PTPRO: variants seen among roughly 807,000 people sequenced by gnomAD.
PTPRO encodes protein tyrosine phosphatase receptor type O, also known as receptor-type tyrosine-protein phosphatase O.
In PTPRO, 62 loss-of-function variants were observed where a neutral mutation model predicts 145.2. The ratio of observed to expected loss-of-function variants is 0.43; its 90% CI spans 0.35 to 0.53. The LOEUF (loss-of-function observed/expected upper bound fraction) is 0.53, where lower values mean the gene tolerates loss of function less well. PTPRO is among the 20% of genes least tolerant of loss of function. PTPRO has a pLI of 0.01. For missense variants in PTPRO, 1,345 were observed against 1,482.7 expected, an observed-to-expected ratio of 0.91 and a Z score of 1.53; for synonymous variants, 565 against 514.7, an observed-to-expected ratio of 1.10 and a Z score of -1.32.
intron 1 of PTPRO, among the ~76,000 whole-genome samples, chr12:15,454,271 A>G (rs1354467434): frequency 6.6e-6 from 1 of 152,174 alleles, no homozygotes; most frequent in South Asian, 2.1e-4. Flanking sequence ...TTGTGCAATG[A>G]TAAGTCACTG....
intron 20 of PTPRO, 72 bp downstream of exon 20, chr12:15,579,015 T>C: frequency 7.4e-7 from 1 of 1,356,942 alleles, no homozygotes. Context: ...GATTAATCAA[T>C]TTCACCAATC....
At chr12:15,361,626 T>G (rs1938214131) in intron 1 of PTPRO, among the ~76,000 whole-genome samples, 1 of 152,118 alleles carries the variant, frequency 6.6e-6, no homozygotes, top group African/African-American at 2.4e-5. Flanking sequence ...TGTTACCAAG[T>G]GCTTACTACA....
At chr12:15,487,366 C>T (rs1325646206) in intron 2 of PTPRO, among the ~76,000 whole-genome samples, 1 of 152,148 alleles carries the variant, frequency 6.6e-6, no homozygotes, top group Non-Finnish European at 1.5e-5. Context: ...AAAAGAGTTT[C>T]TGCTCCTCTC....
At chr12:15,590,932 A>G (rs896569217) in intron 25 of PTPRO, among the ~76,000 whole-genome samples, 4 of 152,214 alleles carry the variant, frequency 2.6e-5, no homozygotes, top group African/African-American at 9.6e-5. Flanking sequence ...TTTTACTTCC[A>G]TAAATTTGCA....
chr12:15,368,738 C>A (rs1938439060), intron 1 of PTPRO, among the ~76,000 whole-genome samples: 1 of 152,164 alleles, frequency 6.6e-6, no homozygotes, highest in Non-Finnish European at 1.5e-5. Context: ...TAAAATATAT[C>A]TCCTTAATTG....
At chr12:15,532,929 C>T (rs1475775336) in intron 12 of PTPRO, among the ~76,000 whole-genome samples, 1 of 152,144 alleles carries the variant, frequency 6.6e-6, no homozygotes. Flanking sequence ...TTCTCCAACT[C>T]ATTTGGTTTT....
Position 15,515,517 on chromosome 12 carries a change from T to C in PTPRO, c.1484T>C (p.Ile495Thr), listed in dbSNP as rs764673571. Reference protein sequence around the residue: ...YCTQVNSSKPIIENLVPGAQY... With the variant: ...YCTQVNSSKPTIENLVPGAQY... ...TTAAAGGTGAACTCAAGCAAACCTA[T>C]TATTGAAAATCTGGTTCCTGGTGCC... is the stretch of plus-strand genomic sequence containing the variant. The change falls in exon 8 of 27, where the codon ATT becomes ACT. Residue 495 changes from isoleucine (I) to threonine (T), a missense_variant. Physicochemically the swap from Ile to Thr is moderately conservative, Grantham distance 89. Around this residue, in one of 3 missense-constraint regions of PTPRO, gnomAD observed 1,130 missense variants for 1,214.7 expected, o/e 0.93. Transcript: ENST00000281171. 1.9e-6 allele frequency: 3 copies of C among 1,614,008 alleles called. No homozygotes were observed. Among genetic ancestry groups the C allele is most frequent in the Non-Finnish European group, 2.5e-6 (3 of 1,179,912 alleles).
rs75002423 is a variant in PTPRO at position 15,502,979 on chromosome 12, C to T, written c.1105+916C>T. Among the ~76,000 whole-genome samples the T allele has an allele frequency of 1.6e-3, 239 of 152,214 alleles. 2 individuals carry two copies. In the East Asian group the frequency reaches 0.043, roughly 28 times the overall value. On this transcript the variant is annotated intron_variant, in intron 5 of 26. Transcript: ENST00000281171. ...TGTTTACTCCTATTTTACTTAATAG[C>T]ATGAGATACAAAATCTGTGGATTCT...
intron 19 of PTPRO, among the ~76,000 whole-genome samples, chr12:15,570,613 T>C (rs1435318484): frequency 2.0e-5 from 3 of 152,176 alleles, no homozygotes; most frequent in African/African-American, 7.2e-5. Context: ...TTATAGATGC[T>C]ACACCAAATG....
chr12:15,501,303 C>T (rs999895890), intron 4 of PTPRO, among the ~76,000 whole-genome samples: 14 of 151,874 alleles, frequency 9.2e-5, no homozygotes, highest in African/African-American at 1.9e-4. Context: ...AGTGGAATTA[C>T]GATAAACTGA....
chr12:15,462,824 A>G (rs1941335604), intron 1 of PTPRO, among the ~76,000 whole-genome samples: 1 of 152,226 alleles, frequency 6.6e-6, no homozygotes, highest in Non-Finnish European at 1.5e-5. Flanking sequence ...TACAGCAGTC[A>G]GTATGGGCTT....
At chr12:15,375,505 C>G (rs1311981515) in intron 1 of PTPRO, among the ~76,000 whole-genome samples, 1 of 152,062 alleles carries the variant, frequency 6.6e-6, no homozygotes. Flanking sequence ...CGCCTGTAAT[C>G]CCAGCACTCT....
chr12:15,351,460 AAC>A, intron 1 of PTPRO, among the ~76,000 whole-genome samples: 1 of 152,226 alleles, frequency 6.6e-6, no homozygotes, highest in East Asian at 1.9e-4. Context: ...AAGGCCTATT[AAC>A]CAAGGAGAGA....
chr12:15,463,192 C>T (rs1481976336), intron 1 of PTPRO, among the ~76,000 whole-genome samples: 1 of 152,096 alleles, frequency 6.6e-6, no homozygotes, highest in Non-Finnish European at 1.5e-5. Flanking sequence ...TGGCATGTAT[C>T]TCTTAATATT....
chr12:15,557,284 C>T (rs1293776384), intron 15 of PTPRO, among the ~76,000 whole-genome samples, 171 bp from the exon 16 acceptor site: 1 of 152,210 alleles, frequency 6.6e-6, no homozygotes, highest in Non-Finnish European at 1.5e-5. Flanking sequence ...CCCACCTCGG[C>T]CTCCCAAAGT....
At chr12:15,348,105 T>G (rs1202183371) in intron 1 of PTPRO, among the ~76,000 whole-genome samples, 1 of 152,208 alleles carries the variant, frequency 6.6e-6, no homozygotes, top group Non-Finnish European at 1.5e-5. Flanking sequence ...TTTTCTTATA[T>G]GACAAAAGAG....
intron 1 of PTPRO, among the ~76,000 whole-genome samples, chr12:15,356,069 A>G (rs1937977080): frequency 6.6e-6 from 1 of 152,230 alleles, no homozygotes; most frequent in African/African-American, 2.4e-5. Flanking sequence ...CATTGAATTA[A>G]TAAGTAGCCT....
intron 13 of PTPRO, among the ~76,000 whole-genome samples, chr12:15,547,970 T>A (rs935456712): frequency 5.3e-5 from 8 of 152,220 alleles, no homozygotes; most frequent in African/African-American, 1.4e-4. Context: ...AGTTAGCAAC[T>A]TCTTTGACTC....
intron 1 of PTPRO, among the ~76,000 whole-genome samples, chr12:15,359,812 T>G (rs1938118806): frequency 6.6e-6 from 1 of 152,224 alleles, no homozygotes; most frequent in South Asian, 2.1e-4. Flanking sequence ...GTTAATTATG[T>G]GTTCAGCATC....
Sources: allele counts gnomAD v4.1 joint callset (sites outside exome capture counted in the v4.1 genomes callset), GRCh38; gene constraint gnomAD v4.1.1; regional missense constraint gnomAD v4.1.1; transcripts MANE v1.5; gene names NCBI Gene and HGNC (gene_info 2026-07-23, HGNC 2026-07-21).